The following PSD2 variants were observed in gnomAD, a reference collection of about 807,000 sequenced individuals.
PSD2 encodes pleckstrin and Sec7 domain containing 2, also known as PH and SEC7 domain-containing protein 2.
PSD2 carries 38 observed loss-of-function variants against 69.8 expected under a neutral mutation model. The observed-to-expected ratio is 0.54, with a 90% CI of 0.42 to 0.71. PSD2 has a LOEUF of 0.71. Ranked by LOEUF, PSD2 falls within the 30% of genes least tolerant of loss-of-function variation. PSD2 has a pLI of 0.00. For synonymous variants in PSD2, 412 were observed against 423.0 expected (o/e 0.97, Z 0.32); for missense variants, 943 against 1,014.5 (o/e 0.93, Z 0.96).
Position 139,814,157 on chromosome 5 carries a change from C to A in PSD2, c.822-13C>A. 6.2e-6 allele frequency: 10 copies of A among 1,610,204 alleles called. No individual in the cohort carries two copies. Among genetic ancestry groups the A allele is most frequent in the Non-Finnish European group, 8.5e-6 (10 of 1,178,628 alleles). On this transcript the variant is annotated splice_polypyrimidine_tract_variant and intron_variant, in intron 3 of 14. Transcript: ENST00000274710. The surrounding 1 kb of genome is among the most constrained non-coding windows in gnomAD (Gnocchi z 4.4). ...CCTCTGACGCTACTCTTCCACCCAC[C>A]TTCCATCTGCAGTGACCCCAGCCTG...
intron 7 of PSD2, among the ~76,000 whole-genome samples, chr5:139,827,466 A>G (rs1245816688): frequency 6.6e-6 from 1 of 152,228 alleles, no homozygotes; most frequent in Non-Finnish European, 1.5e-5. Flanking sequence ...GGCACATATG[A>G]CAGAAGCACA....
intron 1 of PSD2, among the ~76,000 whole-genome samples, chr5:139,807,869 A>G (rs1392385851): frequency 1.3e-5 from 2 of 152,216 alleles, no homozygotes; most frequent in Non-Finnish European, 2.9e-5. Context: ...CCTCGTTATA[A>G]GAATCACAGA....
In PSD2 at chr5:139,842,524, C is replaced by A; in HGVS notation, c.*50C>A. On this transcript the variant is annotated 3_prime_UTR_variant, in exon 15 of 15. Coordinates refer to ENST00000274710, the MANE Select transcript of PSD2 (RefSeq NM_032289.4). ...GGTGGGCAGATGTCTCCAGTGGGGT[C>A]AGTGAGCACAATTCCAGCCAGGGGC... The A allele has an allele frequency of 6.5e-7, 1 of 1,544,816 alleles. No individual in the cohort carries two copies. The highest frequency in any genetic ancestry group is 8.9e-7 in the Non-Finnish European group (1 of 1,123,228).
At chr5:139,838,835 C>T (rs1760803464) in intron 13 of PSD2, 63 bp downstream of exon 13, 1 of 1,544,772 alleles carries the variant, frequency 6.5e-7, no homozygotes, top group African/African-American at 1.4e-5. Flanking sequence ...AGGCCCCCAT[C>T]CAGCAGCCCC....
chr5:139,842,563 C>T lies in PSD2; in HGVS notation c.*89C>T, dbSNP rs1443076775. The T allele has an allele frequency of 3.3e-6, 4 of 1,222,230 alleles. No individual in the cohort carries two copies. Among genetic ancestry groups the T allele is most frequent in the Non-Finnish European group, 4.7e-6 (4 of 846,382 alleles). The allele number at this position is 1,222,230 out of a possible 1,614,324, so 75.7% of individuals were successfully genotyped here. ...CCAGCCAGGGGCCACTTGGACCAAGCTCCAGTCAGTTGATGGGCAGCTAGA... is the reference window on the plus strand; with the variant it reads ...CCAGCCAGGGGCCACTTGGACCAAGTTCCAGTCAGTTGATGGGCAGCTAGA... On this transcript the variant is annotated 3_prime_UTR_variant, in exon 15 of 15. Coordinates refer to ENST00000274710, the MANE Select transcript of PSD2 (RefSeq NM_032289.4).
chr5:139,784,056 C>T, the PSD2 span, among the ~76,000 whole-genome samples: 2 of 151,250 alleles, frequency 1.3e-5, no homozygotes, highest in Admixed American at 6.6e-5. Flanking sequence ...ATCCTCCCAC[C>T]CTAGCCTCCC....
intron 1 of PSD2, among the ~76,000 whole-genome samples, chr5:139,796,809 G>A (rs1174922862): frequency 1.3e-5 from 2 of 152,210 alleles, no homozygotes; most frequent in African/African-American, 2.4e-5. Context: ...TCTTGGGGGG[G>A]CCAGGAAGAG....
rs534330810 is a variant in PSD2 at position 139,817,020 on chromosome 5, C to G, written c.1017-461C>G. On this transcript the variant is annotated intron_variant, in intron 4 of 14. Coordinates refer to ENST00000274710, the MANE Select transcript of PSD2 (RefSeq NM_032289.4). ...TATCTGGACAACTATGGCAGTCCCC[C>G]TGTGGGTCTCCACTCAGCAGGTAGC... is the stretch of plus-strand genomic sequence containing the variant. 2.3e-3 allele frequency among the ~76,000 whole-genome samples: 344 copies of G among 152,350 alleles called. 1 individual carries two copies. Among genetic ancestry groups the G allele is most frequent in the African/African-American group, 8.0e-3 (331 of 41,588 alleles).
At chr5:139,793,971 A>G (rs904733683), upstream of PSD2, among the ~76,000 whole-genome samples, 1 of 152,192 alleles carries the variant, frequency 6.6e-6, no homozygotes, top group East Asian at 1.9e-4. Context: ...AAGCCCTGCC[A>G]TGAGCACTTC....
chr5:139,791,592 C>G (rs187915221), upstream of PSD2, among the ~76,000 whole-genome samples: 76 of 152,212 alleles, frequency 5.0e-4, no homozygotes, highest in East Asian at 0.013. Flanking sequence ...CTGCACTATG[C>G]TGGCCTGAGA....
chr5:139,792,632 C>T (rs564789495), upstream of PSD2, among the ~76,000 whole-genome samples: 2 of 152,120 alleles, frequency 1.3e-5, no homozygotes, highest in East Asian at 3.8e-4. Flanking sequence ...ATTCTTCTTT[C>T]CCTTGAGGAA....
intron 7 of PSD2, among the ~76,000 whole-genome samples, chr5:139,823,804 C>T (rs902720518): frequency 1.3e-5 from 2 of 152,196 alleles, no homozygotes; most frequent in African/African-American, 2.4e-5. Context: ...CTGTGAAAAT[C>T]GAACCAAGGG....
At chr5:139,838,242 C>A (rs1294790457) in intron 12 of PSD2, among the ~76,000 whole-genome samples, 1 of 152,188 alleles carries the variant, frequency 6.6e-6, no homozygotes, top group African/African-American at 2.4e-5. Context: ...TGGGTGAGGC[C>A]TCAGGATCAC....
At chr5:139,759,302 G>A in the PSD2 span, among the ~76,000 whole-genome samples, 4 of 151,842 alleles carry the variant, frequency 2.6e-5, no homozygotes, top group African/African-American at 7.3e-5. Flanking sequence ...GCCCGCGCGC[G>A]CTCTCTCTCC....
At chr5:139,829,393 A>G (rs1447282151) in intron 7 of PSD2, among the ~76,000 whole-genome samples, 1 of 152,238 alleles carries the variant, frequency 6.6e-6, no homozygotes, top group Non-Finnish European at 1.5e-5. Flanking sequence ...TAGTGGCACT[A>G]AGTACATTCA....
At chr5:139,832,616 C>T (rs1359073132) in intron 7 of PSD2, among the ~76,000 whole-genome samples, 1 of 152,190 alleles carries the variant, frequency 6.6e-6, no homozygotes, top group Non-Finnish European at 1.5e-5. Context: ...TAAAGTTGTT[C>T]TATTATGAAA....
chr5:139,833,355 C>T (rs1207130152), intron 7 of PSD2, among the ~76,000 whole-genome samples: 1 of 152,096 alleles, frequency 6.6e-6, no homozygotes, highest in African/African-American at 2.4e-5. Context: ...AGGCACCTCA[C>T]CTCCTCCTTG....
rs1170898337 is a variant in PSD2, at chr5:139,836,980, G to A, written c.1573G>A (p.Ala525Thr). ...CGGCGTCCTGACCCGGAAGACTCAC[G>A]CTGACATGGATGGCAAGAGGAGTGG... ...KHGVLTRKTH[A>T]DMDGKRTPRG... Residue 525 changes from alanine (A) to threonine (T), a missense_variant, in exon 10 of 15, where the codon GCT (alanine) becomes ACT (threonine). By Grantham distance (58) the Ala-to-Thr change is moderately conservative (BLOSUM62 0). This residue lies in a region of PSD2 where 312 missense variants were observed against 400.7 expected (regional missense o/e 0.78). Coordinates refer to ENST00000274710, the MANE Select transcript of PSD2 (RefSeq NM_032289.4). 1.5e-5 allele frequency: 24 copies of A among 1,613,232 alleles called. No homozygotes were observed. Among genetic ancestry groups the A allele is most frequent in the East Asian group, 2.2e-5 (1 of 44,852 alleles).
At chr5:139,807,450 A>G (rs937014388) in intron 1 of PSD2, among the ~76,000 whole-genome samples, 2 of 151,732 alleles carry the variant, frequency 1.3e-5, no homozygotes, top group Non-Finnish European at 2.9e-5. Flanking sequence ...AATAGCAACT[A>G]CAGCAGCAGG....
Sources: gnomAD v4.1 joint callset for allele counts (sites outside exome capture counted in the v4.1 genomes callset) on GRCh38, gnomAD v4.1.1 for gene constraint, gnomAD v4.1.1 regional missense constraint, Gnocchi (gnomAD v3.1) non-coding constraint, MANE v1.5 for transcripts, NCBI Gene and HGNC (gene_info 2026-07-23, HGNC 2026-07-21) for gene names.